NKAIN2: variants seen among roughly 807,000 people sequenced by gnomAD.
The protein encoded by NKAIN2 is sodium/potassium-transporting ATPase subunit beta-1-interacting protein 2.
NKAIN2 carries 14 observed loss-of-function variants against 32.6 expected under a neutral mutation model. The observed-to-expected ratio is 0.43, with a 90% CI of 0.28 to 0.67. NKAIN2 has a LOEUF of 0.67. Among genes scored for constraint, NKAIN2 ranks in the 30% least tolerant of loss-of-function variants. NKAIN2 has a pLI of 0.17. For synonymous variants in NKAIN2, 80 were observed against 87.2 expected (o/e 0.92, Z 0.46); for missense variants, 198 against 258.3 (o/e 0.77, Z 1.60).
intron 3 of NKAIN2, among the ~76,000 whole-genome samples, chr6:124,575,781 A>C (rs1343225700): frequency 2.0e-5 from 3 of 152,082 alleles, no homozygotes; most frequent in Admixed American, 6.6e-5. Context: ...CTTCTCTCTT[A>C]ATCTCCTTAC....
chr6:124,559,220 G>A (rs561791622), intron 3 of NKAIN2, among the ~76,000 whole-genome samples: 1 of 152,206 alleles, frequency 6.6e-6, no homozygotes, highest in Admixed American at 6.5e-5. Context: ...ACCAATACAC[G>A]TTTATTCTCT....
chr6:124,711,866 C>T (rs1225000014), intron 4 of NKAIN2, among the ~76,000 whole-genome samples: 1 of 152,154 alleles, frequency 6.6e-6, no homozygotes, highest in Non-Finnish European at 1.5e-5. Flanking sequence ...TGGTGAGGAA[C>T]TGTGTTCCTT....
At chr6:123,822,946 A>G (rs1455157674) in intron 1 of NKAIN2, among the ~76,000 whole-genome samples, 3 of 152,184 alleles carry the variant, frequency 2.0e-5, no homozygotes, top group African/African-American at 7.2e-5. Context: ...TTTGAAATCT[A>G]GCAAAAGAGT....
chr6:124,576,235 T>A (rs888094318), intron 3 of NKAIN2, among the ~76,000 whole-genome samples: 1 of 152,230 alleles, frequency 6.6e-6, no homozygotes, highest in African/African-American at 2.4e-5. Context: ...AAAACATTTG[T>A]GTGATTGAAT....
At chr6:124,448,631 T>G (rs1329125536) in intron 3 of NKAIN2, among the ~76,000 whole-genome samples, 1 of 152,148 alleles carries the variant, frequency 6.6e-6, no homozygotes, top group Non-Finnish European at 1.5e-5. Context: ...GACACTAACC[T>G]TAATGAATAG....
At chr6:124,220,025 A>G (rs1038941454) in intron 1 of NKAIN2, among the ~76,000 whole-genome samples, 7 of 152,122 alleles carry the variant, frequency 4.6e-5, no homozygotes, top group African/African-American at 1.4e-4. Context: ...ATGGCTTTCT[A>G]CTTGATATGA....
intron 1 of NKAIN2, among the ~76,000 whole-genome samples, chr6:124,067,442 G>C (rs1783243734): frequency 6.6e-6 from 1 of 151,970 alleles, no homozygotes; most frequent in Non-Finnish European, 1.5e-5. Context: ...GATTCTCATA[G>C]CACCTCACTT....
At chr6:124,097,817 G>A (rs1389582279) in intron 1 of NKAIN2, among the ~76,000 whole-genome samples, 2 of 152,182 alleles carry the variant, frequency 1.3e-5, no homozygotes, top group Non-Finnish European at 2.9e-5. Context: ...AGTGAAAAGG[G>A]CTTACTGTAG....
At chr6:124,135,382 C>A (rs1786711229) in intron 1 of NKAIN2, among the ~76,000 whole-genome samples, 1 of 151,878 alleles carries the variant, frequency 6.6e-6, no homozygotes, top group Non-Finnish European at 1.5e-5. Flanking sequence ...TCAAGAGACT[C>A]ACCTAACACA....
chr6:124,281,749 T>C (rs1414977480), intron 1 of NKAIN2, among the ~76,000 whole-genome samples: 1 of 152,216 alleles, frequency 6.6e-6, no homozygotes, highest in African/African-American at 2.4e-5. Context: ...GCTACTCAGC[T>C]AAAGAACTGC....
chr6:124,189,885 A>G (rs1419627168), intron 1 of NKAIN2, among the ~76,000 whole-genome samples: 1 of 152,196 alleles, frequency 6.6e-6, no homozygotes, highest in Non-Finnish European at 1.5e-5. Flanking sequence ...AATGTCAGGA[A>G]CACAATGAGC....
At chr6:124,785,143 T>C (rs1416253972) in intron 4 of NKAIN2, among the ~76,000 whole-genome samples, 2 of 152,142 alleles carry the variant, frequency 1.3e-5, no homozygotes, top group African/African-American at 4.8e-5. Flanking sequence ...TTACTTTGTC[T>C]CTGTTTCTTA....
chr6:123,843,785 G>C (rs1774978708), intron 1 of NKAIN2, among the ~76,000 whole-genome samples: 1 of 152,128 alleles, frequency 6.6e-6, no homozygotes, highest in Non-Finnish European at 1.5e-5. Context: ...CAAGTTATGG[G>C]AGGGTAATGG....
At chr6:124,445,551 A>G (rs1775853785) in intron 3 of NKAIN2, among the ~76,000 whole-genome samples, 1 of 152,080 alleles carries the variant, frequency 6.6e-6, no homozygotes, top group Non-Finnish European at 1.5e-5. Context: ...TGAAAATGTG[A>G]TCAATTTTTT....
At chr6:124,008,833 A>T (rs913523996) in intron 1 of NKAIN2, among the ~76,000 whole-genome samples, 1 of 152,178 alleles carries the variant, frequency 6.6e-6, no homozygotes, top group African/African-American at 2.4e-5. Flanking sequence ...TGCAGCCTAG[A>T]TGGACAGTAG....
chr6:124,486,538 G>T (rs966085580), intron 3 of NKAIN2, among the ~76,000 whole-genome samples: 1 of 152,070 alleles, frequency 6.6e-6, no homozygotes, highest in Non-Finnish European at 1.5e-5. Context: ...CTTTTTAAAA[G>T]CCAGGCAATA....
intron 5 of NKAIN2, among the ~76,000 whole-genome samples, chr6:124,811,511 T>C (rs1780903882): frequency 6.6e-6 from 1 of 152,192 alleles, no homozygotes; most frequent in Non-Finnish European, 1.5e-5. Context: ...AACTTTTTTA[T>C]CTTACTTGGT....
In NKAIN2 at chr6:124,653,872, C is replaced by T. The variant is rs191799534; in HGVS notation, c.274-4314C>T. ...AAACTCAATGATGAAAAGCAAACAA[C>T]CCAATTTAAAAATGAGCCAAAGATC... On this transcript the variant is annotated intron_variant, in intron 3 of 6. Transcript: ENST00000368417. Among the ~76,000 whole-genome samples, 44 of 152,106 alleles carry T rather than the reference C, an allele frequency of 2.9e-4. 2 individuals carry two copies. The highest frequency in any genetic ancestry group is 2.7e-3 in the Admixed American group (41 of 15,262).
In NKAIN2 at chr6:124,091,350, T is replaced by C. The variant is rs183344103; in HGVS notation, c.55-191655T>C. Among the ~76,000 whole-genome samples the C allele has an allele frequency of 8.5e-5, 13 of 152,134 alleles. No homozygotes were observed. In the East Asian group the frequency reaches 1.9e-3, roughly 23 times the overall value. On this transcript the variant is annotated intron_variant, in intron 1 of 6. Coordinates refer to ENST00000368417, the MANE Select transcript of NKAIN2 (RefSeq NM_001040214.3). ...GATGGCAAGAATCTTCTTTTAATTA[T>C]AGATCCTAGTCAATACACATATTTA...
Sources: allele counts gnomAD v4.1 joint callset (sites outside exome capture counted in the v4.1 genomes callset), GRCh38; gene constraint gnomAD v4.1.1; transcripts MANE v1.5; gene names NCBI Gene and HGNC (gene_info 2026-07-23, HGNC 2026-07-21).